The following DMD variants were observed in gnomAD, a reference collection of about 807,000 sequenced individuals.
DMD encodes the protein mutant dystrophin.
In DMD, 63 loss-of-function variants were observed where a neutral mutation model predicts 330.1. The ratio of observed to expected loss-of-function variants is 0.19; its 90% CI spans 0.16 to 0.24. The LOEUF (loss-of-function observed/expected upper bound fraction) is 0.24. DMD is among the 10% of genes least tolerant of loss of function. DMD has a pLI of 1.00. For synonymous variants in DMD, 1,223 were observed against 959.8 expected (o/e 1.27, Z -5.07); for missense variants, 3,344 against 2,684.1 (o/e 1.25, Z -5.43).
At chrX:32,953,072 T>C (rs774297551) in intron 2 of DMD, among the ~76,000 whole-genome samples, 1 of 104,720 alleles carries the variant, frequency 9.5e-6, no homozygotes, top group Non-Finnish European at 2.0e-5. Context: ...GAGATGGAGG[T>C]TGTAGTGAGC....
rs2062558969 is a variant in DMD at position 32,683,127 on chromosome X, A to G, written c.960+14743T>C. On this transcript the variant is annotated intron_variant, in intron 9 of 78. Coordinates refer to ENST00000357033, the MANE Select transcript of DMD (RefSeq NM_004006.3). Reference sequence around the variant, plus strand: ...CAGTCTTTAACCTGCATATTGTGATACATTAGTAAATCTCCAAACCACAAT... The same window carrying G: ...CAGTCTTTAACCTGCATATTGTGATGCATTAGTAAATCTCCAAACCACAAT... Among the ~76,000 whole-genome samples, 14 of 111,757 alleles carry G rather than the reference A, an allele frequency of 1.3e-4. No individual in the cohort carries two copies. The Admixed American group carries it at 1.3e-3, about 11-fold the overall frequency.
At chrX:31,179,407 G>C (rs1031435768) in intron 69 of DMD, among the ~76,000 whole-genome samples, 26 of 112,512 alleles carry the variant, frequency 2.3e-4, no homozygotes, top group African/African-American at 7.7e-4. Flanking sequence ...TTTTGATTTA[G>C]AGCATCAGGA....
chrX:32,770,359 C>T (rs1020925391), intron 7 of DMD, among the ~76,000 whole-genome samples: 1 of 111,308 alleles, frequency 9.0e-6, no homozygotes, highest in Non-Finnish European at 1.9e-5. Flanking sequence ...AAAGTAAATT[C>T]CTCTAGTATT....
chrX:32,975,419 T>G (rs1424750463), intron 2 of DMD, among the ~76,000 whole-genome samples: 1 of 89,905 alleles, frequency 1.1e-5, no homozygotes, highest in Non-Finnish European at 2.1e-5. Context: ...GAATTGGAAA[T>G]CAACTGCATG....
At chrX:32,785,401 G>A (rs2075262992) in intron 7 of DMD, among the ~76,000 whole-genome samples, 1 of 111,216 alleles carries the variant, frequency 9.0e-6, no homozygotes, top group East Asian at 2.8e-4. Context: ...ATTATTCAAT[G>A]CCTCTTGATC....
chrX:31,495,145 CA>C (rs1280999542), intron 57 of DMD, among the ~76,000 whole-genome samples: 5 of 93,666 alleles, frequency 5.3e-5, no homozygotes, highest in African/African-American at 2.1e-4. Flanking sequence ...GTTTCCCTGG[CA>C]TTTTTTTTTT....
intron 7 of DMD, among the ~76,000 whole-genome samples, chrX:32,732,737 T>C (rs1263489883): frequency 9.0e-6 from 1 of 110,520 alleles, no homozygotes; most frequent in Non-Finnish European, 1.9e-5. Context: ...CCACCAGGCC[T>C]GCCCTAAAAG....
intron 54 of DMD, among the ~76,000 whole-genome samples, chrX:31,628,365 G>A (rs1603430307): frequency 1.8e-5 from 2 of 110,286 alleles, no homozygotes; most frequent in East Asian, 5.7e-4. Flanking sequence ...GAAAAGTCAA[G>A]AAAATACAAA....
intron 7 of DMD, among the ~76,000 whole-genome samples, chrX:32,727,851 G>T (rs1027982895): frequency 2.7e-5 from 3 of 110,001 alleles, no homozygotes; most frequent in African/African-American, 1.0e-4. Context: ...ACTAGAAAAT[G>T]TACCACACAA....
intron 44 of DMD, among the ~76,000 whole-genome samples, chrX:32,129,321 A>G (rs916641159): frequency 1.8e-5 from 2 of 111,400 alleles, no homozygotes; most frequent in African/African-American, 6.5e-5. Flanking sequence ...ACCTAATAAA[A>G]GTACATTTTA....
At chrX:31,454,178 G>A (rs963811062) in intron 59 of DMD, among the ~76,000 whole-genome samples, 6 of 110,753 alleles carry the variant, frequency 5.4e-5, no homozygotes, top group Non-Finnish European at 7.6e-5. Flanking sequence ...TGCTCTTGTC[G>A]CCCCGGCTGG....
At chrX:32,772,712 C>A (rs754790795) in intron 7 of DMD, among the ~76,000 whole-genome samples, 2 of 111,369 alleles carry the variant, frequency 1.8e-5, no homozygotes, top group East Asian at 5.7e-4. Context: ...CCTAATCAAT[C>A]CCTGTATCCT....
intron 43 of DMD, among the ~76,000 whole-genome samples, chrX:32,282,994 A>G (rs2097426119): frequency 8.9e-6 from 1 of 112,053 alleles, no homozygotes; most frequent in African/African-American, 3.2e-5. Context: ...AGATTTGGCA[A>G]CGTAATTTGC....
intron 47 of DMD, among the ~76,000 whole-genome samples, chrX:31,915,206 C>T (rs1280717183): frequency 1.9e-5 from 2 of 105,368 alleles, no homozygotes; most frequent in African/African-American, 3.7e-5. Context: ...GAGACTTTGA[C>T]TGGTCTCTCT....
At chrX:32,851,677 T>G (rs918037568) in intron 2 of DMD, among the ~76,000 whole-genome samples, 1 of 112,286 alleles carries the variant, frequency 8.9e-6, no homozygotes, top group Non-Finnish European at 1.9e-5. Context: ...AGTTACGAAT[T>G]GCCAACACCA....
intron 52 of DMD, among the ~76,000 whole-genome samples, chrX:31,681,828 G>T (rs1027235406): frequency 8.8e-6 from 1 of 113,096 alleles, no homozygotes; most frequent in Admixed American, 9.3e-5. Context: ...AGGTGCGGTG[G>T]CTCACGCCTG....
At chrX:31,128,303 T>C (rs1245124862) in intron 77 of DMD, among the ~76,000 whole-genome samples, 1 of 111,855 alleles carries the variant, frequency 8.9e-6, no homozygotes, top group Non-Finnish European at 1.9e-5. Flanking sequence ...CCCTGTACCG[T>C]ATATACACAC....
intron 7 of DMD, among the ~76,000 whole-genome samples, chrX:32,749,032 C>A (rs1569507447): frequency 8.9e-6 from 1 of 111,993 alleles, no homozygotes; most frequent in African/African-American, 3.2e-5. Context: ...TAGGTACATA[C>A]AGAACCCAAA....
chrX:32,511,941 T>A (rs2045387153), intron 18 of DMD, among the ~76,000 whole-genome samples: 2 of 111,748 alleles, frequency 1.8e-5, no homozygotes, highest in Non-Finnish European at 3.8e-5. Flanking sequence ...TAATTTCAAG[T>A]AAAGTATACA....
Sources: allele counts gnomAD v4.1 joint callset (sites outside exome capture counted in the v4.1 genomes callset), GRCh38; gene constraint gnomAD v4.1.1; transcripts MANE v1.5; gene names NCBI Gene and HGNC (gene_info 2026-07-23, HGNC 2026-07-21).